The following AFG2A variants were observed in gnomAD, a reference collection of about 807,000 sequenced individuals.
AFG2A encodes the protein ATPase family gene 2 protein homolog A.
chr4:123,191,279 T>C, the AFG2A span, among the ~76,000 whole-genome samples: 2 of 152,228 alleles, frequency 1.3e-5, no homozygotes, highest in South Asian at 4.1e-4. Context: ...TTCCTATTCC[T>C]TCTCATATTC....
At chr4:123,023,871 T>G in the AFG2A span, among the ~76,000 whole-genome samples, 1 of 151,932 alleles carries the variant, frequency 6.6e-6, no homozygotes, top group Non-Finnish European at 1.5e-5. Context: ...ACAGATCTCA[T>G]TAGTCTCATC....
the AFG2A span, among the ~76,000 whole-genome samples, chr4:123,007,642 A>ACAAAT: frequency 2.4e-4 from 6 of 25,510 alleles, no homozygotes; most frequent in African/African-American, 4.9e-4. Context: ...ACACACACAC[A>ACAAAT]ACACACACAC....
the AFG2A span, among the ~76,000 whole-genome samples, chr4:123,183,351 T>G: frequency 6.6e-6 from 1 of 152,224 alleles, no homozygotes; most frequent in Non-Finnish European, 1.5e-5. Flanking sequence ...AAATCATTGT[T>G]TATTGTTTTA....
At chr4:122,932,563 G>C in the AFG2A span, among the ~76,000 whole-genome samples, 1 of 152,266 alleles carries the variant, frequency 6.6e-6, no homozygotes, top group South Asian at 2.1e-4. Flanking sequence ...CTAGACAGCT[G>C]TTTGTCTCCC....
the AFG2A span, chr4:123,255,869 TATGGA>T: frequency 1.1e-6 from 1 of 946,918 alleles, no homozygotes; most frequent in African/African-American, 1.7e-5. Context: ...TGACATAGAT[TATGGA>T]ATCTCTGGTA....
At chr4:122,998,158 C>A in the AFG2A span, among the ~76,000 whole-genome samples, 1 of 152,044 alleles carries the variant, frequency 6.6e-6, no homozygotes, top group Non-Finnish European at 1.5e-5. Flanking sequence ...TTGATTAAGT[C>A]CAGTATCTTT....
the AFG2A span, among the ~76,000 whole-genome samples, chr4:123,199,681 A>G: frequency 6.6e-6 from 1 of 152,038 alleles, no homozygotes; most frequent in Non-Finnish European, 1.5e-5. Flanking sequence ...CATGTTGGCC[A>G]GGCTGGTCTC....
the AFG2A span, among the ~76,000 whole-genome samples, chr4:123,208,176 A>C: frequency 4.1e-4 from 62 of 152,334 alleles, 1 homozygote; most frequent in South Asian, 0.013. Context: ...GGATACTAAG[A>C]CCATTCAATG....
chr4:123,010,283 C>T, the AFG2A span, among the ~76,000 whole-genome samples: 1 of 152,156 alleles, frequency 6.6e-6, no homozygotes, highest in Non-Finnish European at 1.5e-5. Context: ...AAATGTCAGA[C>T]CTTTTAGGAA....
At chr4:122,942,033 G>C in the AFG2A span, among the ~76,000 whole-genome samples, 1 of 151,870 alleles carries the variant, frequency 6.6e-6, no homozygotes, top group Non-Finnish European at 1.5e-5. Flanking sequence ...GATTCGGTTT[G>C]CCAGTATTTT....
the AFG2A span, among the ~76,000 whole-genome samples, chr4:123,031,076 G>A: frequency 6.6e-6 from 1 of 152,154 alleles, no homozygotes; most frequent in South Asian, 2.1e-4. Context: ...CAGTGTTTGT[G>A]AGGAAAGTTT....
At chr4:123,016,442 CG>C in the AFG2A span, among the ~76,000 whole-genome samples, 1 of 150,496 alleles carries the variant, frequency 6.6e-6, no homozygotes, top group Non-Finnish European at 1.5e-5. Context: ...ACCTCCCAGA[CG>C]GGGTCGCGGC....
the AFG2A span, among the ~76,000 whole-genome samples, chr4:123,009,810 T>C: frequency 2.0e-5 from 3 of 152,186 alleles, no homozygotes; most frequent in Admixed American, 1.3e-4. Context: ...TAAGGTATAA[T>C]ATATATTTTG....
chr4:123,104,505 A>G, the AFG2A span, among the ~76,000 whole-genome samples: 1 of 152,206 alleles, frequency 6.6e-6, no homozygotes, highest in Non-Finnish European at 1.5e-5. Flanking sequence ...CACATTAATC[A>G]AATGCTAGAA....
the AFG2A span, among the ~76,000 whole-genome samples, chr4:123,126,041 C>T: frequency 6.6e-6 from 1 of 152,178 alleles, no homozygotes; most frequent in Admixed American, 6.5e-5. Flanking sequence ...TCAAGTCCAG[C>T]TCTTCATTCT....
chr4:122,984,287 G>A, the AFG2A span, among the ~76,000 whole-genome samples: 1 of 152,078 alleles, frequency 6.6e-6, no homozygotes, highest in Admixed American at 6.5e-5. Context: ...CTACTGATTT[G>A]TATACATTAG....
At chr4:123,059,041 C>G in the AFG2A span, among the ~76,000 whole-genome samples, 1 of 152,028 alleles carries the variant, frequency 6.6e-6, no homozygotes, top group African/African-American at 2.4e-5. Context: ...TACACCCGTT[C>G]CAAATGGGAG....
the AFG2A span, among the ~76,000 whole-genome samples, chr4:122,950,062 C>G: frequency 2.0e-4 from 30 of 152,218 alleles, no homozygotes; most frequent in Middle Eastern, 3.2e-3. Context: ...CCCTGTCTAC[C>G]TGTATCCTGA....
chr4:123,020,013 G>A, the AFG2A span, among the ~76,000 whole-genome samples: 1 of 152,118 alleles, frequency 6.6e-6, no homozygotes, highest in Non-Finnish European at 1.5e-5. Context: ...TGAATGGGTG[G>A]TTCCCTGACA....
Sources: gnomAD v4.1 joint callset for allele counts (sites outside exome capture counted in the v4.1 genomes callset) on GRCh38, gnomAD v4.1.1 for gene constraint, MANE v1.5 for transcripts, NCBI Gene and HGNC (gene_info 2026-07-23, HGNC 2026-07-21) for gene names.